FRYL: variants seen among roughly 807,000 people sequenced by gnomAD.
The protein encoded by FRYL is protein furry homolog-like.
FRYL carries 150 observed loss-of-function variants against 351.2 expected under a neutral mutation model. The observed-to-expected ratio is 0.43, with a 90% CI of 0.37 to 0.49. The LOEUF (loss-of-function observed/expected upper bound fraction) is 0.49, where lower values mean the gene tolerates loss of function less well. Ranked by LOEUF, FRYL falls within the 20% of genes least tolerant of loss-of-function variation. The probability of loss-of-function intolerance (pLI) is 0.00; values close to 1 mark genes in which losing one functional copy is unlikely to be tolerated. For missense variants in FRYL, 3,036 were observed against 3,619.3 expected, an observed-to-expected ratio of 0.84 and a Z score of 4.13; for synonymous variants, 1,153 against 1,257.1, an observed-to-expected ratio of 0.92 and a Z score of 1.75.
At chr4:48,761,003 CTGTCTGTGTGTGTGTGTG>C (rs1304861143) in intron 1 of FRYL, among the ~76,000 whole-genome samples, 20 of 121,612 alleles carry the variant, frequency 1.6e-4, no homozygotes, top group Admixed American at 4.5e-4. Flanking sequence ...TATTATTACT[CTGTCTGTGTGTGTGTGTG>C]TGTGTGTGTG....
At chr4:48,669,004 T>C (rs771399037) in intron 3 of FRYL, among the ~76,000 whole-genome samples, 1 of 152,252 alleles carries the variant, frequency 6.6e-6, no homozygotes, top group Non-Finnish European at 1.5e-5. Flanking sequence ...CTTAACCTAT[T>C]CTACTCTTCT....
intron 3 of FRYL, among the ~76,000 whole-genome samples, chr4:48,663,837 G>C (rs1271757058): frequency 6.8e-6 from 1 of 147,768 alleles, no homozygotes; most frequent in African/African-American, 2.5e-5. Flanking sequence ...GAATGCAATA[G>C]TGGATATTAG....
At chr4:48,742,710 C>T (rs1486506017) in intron 1 of FRYL, among the ~76,000 whole-genome samples, 1 of 152,130 alleles carries the variant, frequency 6.6e-6, no homozygotes, top group African/African-American at 2.4e-5. Flanking sequence ...CAAAAAACTC[C>T]AATCATTAAA....
chr4:48,603,524 C>A, intron 11 of FRYL, 136 bp from the exon 12 acceptor site: 1 of 637,150 alleles, frequency 1.6e-6, no homozygotes, highest in Non-Finnish European at 2.8e-6. Context: ...CTACAATGTG[C>A]CAAGTGACCA....
intron 1 of FRYL, among the ~76,000 whole-genome samples, chr4:48,767,346 C>G (rs1231869211): frequency 1.3e-5 from 2 of 152,132 alleles, no homozygotes; most frequent in African/African-American, 4.8e-5. Context: ...AGGGGGAAAT[C>G]TGACCGAATG....
intron 60 of FRYL, 128 bp from the exon 61 acceptor site, chr4:48,502,973 C>A (rs188238333): frequency 1.6e-6 from 1 of 619,550 alleles, no homozygotes; most frequent in East Asian, 3.0e-5. Context: ...ATTTATACCC[C>A]AAAGAAAATT....
intron 2 of FRYL, among the ~76,000 whole-genome samples, chr4:48,705,241 T>A (rs544431534): frequency 2.1e-4 from 32 of 152,128 alleles, no homozygotes; most frequent in Non-Finnish European, 4.0e-4. Flanking sequence ...GTTATGCATT[T>A]ATATTATACC....
At chr4:48,731,346 A>T (rs1770703594) in intron 1 of FRYL, among the ~76,000 whole-genome samples, 1 of 152,216 alleles carries the variant, frequency 6.6e-6, no homozygotes, top group East Asian at 1.9e-4. Flanking sequence ...TATCATGAAA[A>T]TGTCCTTACT....
chr4:48,591,908 T>G (rs1190793572), intron 16 of FRYL, among the ~76,000 whole-genome samples: 5 of 151,660 alleles, frequency 3.3e-5, no homozygotes, highest in Non-Finnish European at 5.9e-5. Context: ...GCCCCCAGAT[T>G]TGATTCCTTC....
chr4:48,528,090 T>C, intron 51 of FRYL, 45 bp from the exon 52 acceptor site: 1 of 1,556,952 alleles, frequency 6.4e-7, no homozygotes, highest in Non-Finnish European at 8.7e-7. Flanking sequence ...GCTGATAAAA[T>C]AAGACAAATT....
chr4:48,582,390 G>A (rs1197943803), intron 20 of FRYL, 107 bp downstream of exon 20: 3 of 728,248 alleles, frequency 4.1e-6, no homozygotes, highest in Non-Finnish European at 4.7e-6. Context: ...AGAGTGAATA[G>A]AACTAATAAT....
intron 1 of FRYL, among the ~76,000 whole-genome samples, chr4:48,720,784 T>A (rs190220867): frequency 6.6e-6 from 1 of 152,216 alleles, no homozygotes; most frequent in Non-Finnish European, 1.5e-5. Flanking sequence ...AAGCGTGATG[T>A]CCTCAAGATT....
rs531486805 is a variant in FRYL at position 48,698,917 on chromosome 4, G to A, written c.-204+11602C>T. On this transcript the variant is annotated intron_variant, in intron 2 of 63. Coordinates refer to ENST00000358350, the MANE Select transcript of FRYL (RefSeq NM_015030.2). ...TTGGTTCACTGCACTCTAACAAATGGTGCCCTAGAAATCCAAGTTAATTAA... is the reference window on the plus strand; with the variant it reads ...TTGGTTCACTGCACTCTAACAAATGATGCCCTAGAAATCCAAGTTAATTAA... 3.3e-5 allele frequency among the ~76,000 whole-genome samples: 5 copies of A among 152,066 alleles called. No homozygotes were observed. The South Asian group carries it at 1.0e-3, about 32-fold the overall frequency.
chr4:48,705,250 C>T (rs1207710476), intron 2 of FRYL, among the ~76,000 whole-genome samples: 1 of 151,596 alleles, frequency 6.6e-6, no homozygotes, highest in Non-Finnish European at 1.5e-5. Flanking sequence ...TTATATTATA[C>T]CATTTATAAT....
chr4:48,625,125 G>A (rs1667261680), intron 4 of FRYL, among the ~76,000 whole-genome samples: 1 of 152,066 alleles, frequency 6.6e-6, no homozygotes, highest in African/African-American at 2.4e-5. Flanking sequence ...AATCATATGA[G>A]CCAATTCCTT....
chr4:48,624,435 T>C (rs544941480), intron 4 of FRYL, among the ~76,000 whole-genome samples: 1 of 152,322 alleles, frequency 6.6e-6, no homozygotes, highest in African/African-American at 2.4e-5. Context: ...CTCATCTGCA[T>C]ATGTACTCAT....
At chr4:48,750,078 A>G (rs962736090) in intron 1 of FRYL, among the ~76,000 whole-genome samples, 1 of 151,046 alleles carries the variant, frequency 6.6e-6, no homozygotes, top group African/African-American at 2.4e-5. Context: ...AGGCTACAGT[A>G]AGCTGTGATC....
Position 48,576,117 on chromosome 4 carries a change from T to C in FRYL, c.2634A>G (p.Ser878=), listed in dbSNP as rs1712106624. ...TCACAGAACCTGCAGATGTGGAAGA[T>C]GACGATGTTGCTGCACTGCAGCAAA... ...LILCCSAATS[S]SSTSAGSVRC... is the part of the protein sequence containing the mutation. The change falls in exon 24 of 64, where the codon TCA becomes TCG. Residue 878 remains serine (S), a synonymous_variant. Transcript: ENST00000358350. 1 of 1,613,856 alleles carries C rather than the reference T, an allele frequency of 6.2e-7. No homozygotes were observed. The highest frequency in any genetic ancestry group is 1.3e-5 in the African/African-American group (1 of 74,904).
At chr4:48,527,860 G>A in intron 52 of FRYL, 111 bp downstream of exon 52, 1 of 1,026,428 alleles carries the variant, frequency 9.7e-7, no homozygotes. Flanking sequence ...TTCATTCTGA[G>A]TTAATACCGT....
Sources: allele counts gnomAD v4.1 joint callset (sites outside exome capture counted in the v4.1 genomes callset), GRCh38; gene constraint gnomAD v4.1.1; transcripts MANE v1.5; gene names NCBI Gene and HGNC (gene_info 2026-07-23, HGNC 2026-07-21).